Variants in DLG2 observed in about 807,000 individuals in gnomAD.
DLG2 encodes disks large homolog 2.
In DLG2, 45 loss-of-function variants were observed where a neutral mutation model predicts 132.5. The ratio of observed to expected loss-of-function variants is 0.34; its 90% CI spans 0.27 to 0.44. DLG2 has a LOEUF of 0.44. DLG2 is among the 20% of genes least tolerant of loss of function. The pLI is 1.00. For synonymous variants in DLG2, 424 were observed against 419.6 expected, an observed-to-expected ratio of 1.01 and a Z score of -0.13; for missense variants, 1,045 against 1,196.9, an observed-to-expected ratio of 0.87 and a Z score of 1.87.
At position 83,656,083 on chromosome 11, in the gene DLG2, G is replaced by A. The variant is rs145695145; in HGVS notation, c.1826-22758C>T. ...CATGTCTGAGATTACGCAGGTCAGG[G>A]AACATCTTGCAGCACTTGCTGGTTT... is the stretch of plus-strand genomic sequence containing the variant. On this transcript the variant is annotated intron_variant, in intron 18 of 27. Transcript: ENST00000376104. Among the ~76,000 whole-genome samples, 461 of 152,322 alleles carry A rather than the reference G, an allele frequency of 3.0e-3. 3 individuals carry two copies. Among genetic ancestry groups the A allele is most frequent in the African/African-American group, 0.011 (452 of 41,564 alleles).
intron 18 of DLG2, among the ~76,000 whole-genome samples, chr11:83,644,854 G>A (rs2067668452): frequency 6.6e-6 from 1 of 152,052 alleles, no homozygotes; most frequent in African/African-American, 2.4e-5. Context: ...CTTAAGTGAG[G>A]CCAAAATGTA....
chr11:85,324,128 A>C (rs983196671), intron 3 of DLG2, among the ~76,000 whole-genome samples: 3 of 152,146 alleles, frequency 2.0e-5, no homozygotes, highest in Non-Finnish European at 2.9e-5. Context: ...ACAGTCTGAA[A>C]TGACCATTTA....
At chr11:85,245,346 A>G (rs189146311) in intron 4 of DLG2, among the ~76,000 whole-genome samples, 104 of 152,086 alleles carry the variant, frequency 6.8e-4, no homozygotes, top group African/African-American at 2.5e-3. Context: ...ACTTTAACCA[A>G]TGTCCACTCA....
At chr11:85,511,818 A>C (rs2094078224) in intron 3 of DLG2, among the ~76,000 whole-genome samples, 2 of 151,414 alleles carry the variant, frequency 1.3e-5, no homozygotes. Context: ...TCCTGGGCTT[A>C]AGTGATCCTC....
chr11:83,518,751 C>T (rs991380736), intron 21 of DLG2, among the ~76,000 whole-genome samples: 3 of 152,144 alleles, frequency 2.0e-5, no homozygotes, highest in Admixed American at 6.5e-5. Context: ...ATCTACCCAT[C>T]AGAGTCTTAG....
intron 3 of DLG2, among the ~76,000 whole-genome samples, chr11:85,481,395 A>G (rs867117775): frequency 6.6e-6 from 1 of 152,222 alleles, no homozygotes; most frequent in African/African-American, 2.4e-5. Flanking sequence ...GGAAACCAAG[A>G]GATTACAGCA....
intron 8 of DLG2, among the ~76,000 whole-genome samples, chr11:84,205,076 A>G (rs544246684): frequency 1.3e-5 from 2 of 152,356 alleles, no homozygotes; most frequent in Admixed American, 1.3e-4. Flanking sequence ...AACACAAATC[A>G]TAATAATAGT....
chr11:84,662,578 G>A (rs987742117), intron 6 of DLG2, among the ~76,000 whole-genome samples: 3 of 151,548 alleles, frequency 2.0e-5, no homozygotes, highest in Non-Finnish European at 2.9e-5. Flanking sequence ...CCTGAGGTTG[G>A]GAGTTCGAGA....
chr11:84,157,928 T>C (rs1235081419), intron 9 of DLG2, among the ~76,000 whole-genome samples: 1 of 152,228 alleles, frequency 6.6e-6, no homozygotes, highest in Non-Finnish European at 1.5e-5. Context: ...AAGGGCTTTT[T>C]CTTTTCTTTT....
intron 7 of DLG2, among the ~76,000 whole-genome samples, chr11:84,357,572 G>T (rs893923161): frequency 1.3e-5 from 2 of 151,978 alleles, no homozygotes; most frequent in African/African-American, 4.8e-5. Flanking sequence ...AGGTGCTCAG[G>T]ATTACTTGTT....
intron 6 of DLG2, among the ~76,000 whole-genome samples, chr11:84,715,086 A>G (rs574780807): frequency 2.2e-4 from 33 of 152,196 alleles, no homozygotes; most frequent in South Asian, 8.3e-4. Flanking sequence ...GAAAAAAATA[A>G]AATTTCAGGA....
At chr11:85,216,126 G>A (rs909332680) in intron 4 of DLG2, among the ~76,000 whole-genome samples, 2 of 151,974 alleles carry the variant, frequency 1.3e-5, no homozygotes, top group Admixed American at 1.3e-4. Flanking sequence ...ATCCACCCTG[G>A]GCAATACAGT....
chr11:84,295,817 T>C (rs1157762395), intron 7 of DLG2, among the ~76,000 whole-genome samples: 2 of 152,232 alleles, frequency 1.3e-5, no homozygotes, highest in Admixed American at 6.5e-5. Flanking sequence ...ATATTTCTGC[T>C]GATCTTTGAA....
At chr11:84,174,200 G>A (rs569853749) in intron 8 of DLG2, among the ~76,000 whole-genome samples, 96 of 150,112 alleles carry the variant, frequency 6.4e-4, no homozygotes, top group African/African-American at 2.1e-3. Flanking sequence ...ATCAATTCCC[G>A]CCATCCTATT....
intron 6 of DLG2, among the ~76,000 whole-genome samples, chr11:84,728,847 A>G (rs977843455): frequency 4.7e-4 from 71 of 152,092 alleles, no homozygotes; most frequent in Non-Finnish European, 6.8e-4. Flanking sequence ...GAATTTATCC[A>G]TTTCTTCTAG....
At chr11:85,092,576 A>G (rs1406790348) in intron 6 of DLG2, among the ~76,000 whole-genome samples, 3 of 152,154 alleles carry the variant, frequency 2.0e-5, no homozygotes, top group Admixed American at 6.5e-5. Context: ...TAGGGATACT[A>G]AAGACAGTTG....
At chr11:84,250,135 G>A (rs2097352887) in intron 8 of DLG2, among the ~76,000 whole-genome samples, 1 of 152,176 alleles carries the variant, frequency 6.6e-6, no homozygotes. Flanking sequence ...TTGCACTTTT[G>A]AAAATTAGTT....
intron 15 of DLG2, among the ~76,000 whole-genome samples, chr11:83,908,703 T>G (rs1478435174): frequency 6.6e-6 from 1 of 151,978 alleles, no homozygotes; most frequent in Non-Finnish European, 1.5e-5. Flanking sequence ...ACTGTTAGAG[T>G]AGGCCACTGG....
chr11:83,960,873 G>A (rs538851247), intron 14 of DLG2, among the ~76,000 whole-genome samples: 1 of 151,938 alleles, frequency 6.6e-6, no homozygotes, highest in Non-Finnish European at 1.5e-5. Context: ...GTATGTGTAT[G>A]TTTATGTGTG....
Sources: allele counts gnomAD v4.1 joint callset (sites outside exome capture counted in the v4.1 genomes callset), GRCh38; gene constraint gnomAD v4.1.1; transcripts MANE v1.5; gene names NCBI Gene and HGNC (gene_info 2026-07-23, HGNC 2026-07-21).